KDM4C: variants seen among roughly 807,000 people sequenced by gnomAD.
KDM4C encodes lysine demethylase 4C.
In KDM4C, 81 loss-of-function variants were observed where a neutral mutation model predicts 129.3. The observed-to-expected ratio is 0.63, with a 90% CI of 0.52 to 0.75. The LOEUF is 0.75. Among genes scored for constraint, KDM4C ranks in the 30% least tolerant of loss-of-function variants. KDM4C has a pLI of 0.00. For synonymous variants in KDM4C, 573 were observed against 456.1 expected (o/e 1.26, Z -3.26); for missense variants, 1,457 against 1,304.0 (o/e 1.12, Z -1.81).
At chr9:7,084,667 G>C (rs1263479612) in intron 17 of KDM4C, among the ~76,000 whole-genome samples, 1 of 152,176 alleles carries the variant, frequency 6.6e-6, no homozygotes, top group Non-Finnish European at 1.5e-5. Context: ...CTGTGGCTCA[G>C]TTTCTTCATC....
intron 5 of KDM4C, among the ~76,000 whole-genome samples, chr9:6,878,615 T>G (rs1418244512): frequency 6.6e-6 from 1 of 152,214 alleles, no homozygotes; most frequent in African/African-American, 2.4e-5. Context: ...GAGCATATGG[T>G]TGAACTTTAG....
At chr9:7,077,352 C>T in intron 17 of KDM4C, 1 of 395,604 alleles carries the variant, frequency 2.5e-6, no homozygotes, top group Non-Finnish European at 3.4e-6. Context: ...TCAACTACGG[C>T]TGAAAAAAAA....
intron 1 of KDM4C, among the ~76,000 whole-genome samples, chr9:6,764,200 A>G (rs143051187): frequency 3.5e-4 from 54 of 152,350 alleles, no homozygotes; most frequent in African/African-American, 1.3e-3. Flanking sequence ...AGTACTTACA[A>G]TAGGCTGCCC....
chr9:6,933,610 A>G (rs1406314198), intron 8 of KDM4C, among the ~76,000 whole-genome samples: 1 of 152,222 alleles, frequency 6.6e-6, no homozygotes, highest in African/African-American at 2.4e-5. Flanking sequence ...AGGACAAATA[A>G]AAGCCATTCC....
At chr9:7,019,713 A>AAAAATATTTTATTTTTATATAT in intron 15 of KDM4C, among the ~76,000 whole-genome samples, 1 of 105,368 alleles carries the variant, frequency 9.5e-6, no homozygotes, top group East Asian at 3.6e-4. Flanking sequence ...TTTTATATAT[A>AAAAATATTTTATTTTTATATAT]AAAATATAAT....
intron 19 of KDM4C, among the ~76,000 whole-genome samples, chr9:7,141,347 A>AAAAAC (rs201975138): frequency 0.017 from 2,521 of 152,240 alleles, 77 homozygotes; most frequent in African/African-American, 0.057. Context: ...ATAAAAGCCT[A>AAAAAC]AAAACAAAAC....
intron 17 of KDM4C, among the ~76,000 whole-genome samples, chr9:7,081,586 A>G (rs1834525822): frequency 1.3e-5 from 2 of 152,120 alleles, no homozygotes; most frequent in South Asian, 4.1e-4. Flanking sequence ...CTGGCATTCC[A>G]CTTTGAAGAT....
intron 4 of KDM4C, among the ~76,000 whole-genome samples, chr9:6,829,045 G>A (rs899590184): frequency 3.3e-5 from 5 of 152,196 alleles, no homozygotes; most frequent in African/African-American, 1.2e-4. Context: ...CTGAGTGATC[G>A]ATGATTGTGA....
intron 19 of KDM4C, among the ~76,000 whole-genome samples, chr9:7,146,830 G>A (rs909554828): frequency 6.6e-6 from 1 of 152,128 alleles, no homozygotes; most frequent in African/African-American, 2.4e-5. Context: ...TTCCAATGAG[G>A]ATAACAAACA....
At chr9:6,765,521 A>T (rs1349282681) in intron 1 of KDM4C, among the ~76,000 whole-genome samples, 2 of 152,186 alleles carry the variant, frequency 1.3e-5, no homozygotes, top group Non-Finnish European at 2.9e-5. Context: ...CACTGTAAAG[A>T]TTCTACAAGG....
At chr9:6,869,277 C>T (rs765377251) in intron 5 of KDM4C, among the ~76,000 whole-genome samples, 3 of 152,126 alleles carry the variant, frequency 2.0e-5, no homozygotes, top group Non-Finnish European at 2.9e-5. Context: ...ATTAAGGGTG[C>T]GGCTGAGCTC....
At chr9:6,750,511 G>T (rs1435680003) in intron 1 of KDM4C, among the ~76,000 whole-genome samples, 1 of 151,548 alleles carries the variant, frequency 6.6e-6, no homozygotes, top group Non-Finnish European at 1.5e-5. Context: ...CTGTCTTATA[G>T]GAAGTTGAAA....
rs184250771 is a variant in KDM4C at position 6,984,293 on chromosome 9, A to C, written c.1243A>C (p.Lys415Gln). The change falls in exon 10 of 22, where the codon AAG (lysine) becomes CAG (glutamine). Residue 415 changes from lysine (K) to glutamine (Q), a missense_variant. By Grantham distance (53) the Lys-to-Gln change is moderately conservative (BLOSUM62 1). Transcript: ENST00000381309. ...SVTDDLKVSEKSEAAVKLRNT... is the reference protein window; with the variant it reads ...SVTDDLKVSEQSEAAVKLRNT... ...CACAGATGACCTCAAGGTCAGTGAAAAGTCAGAAGCAGCAGTGAAGCTGAG... is the reference window on the plus strand; with the variant it reads ...CACAGATGACCTCAAGGTCAGTGAACAGTCAGAAGCAGCAGTGAAGCTGAG... 7.4e-6 allele frequency: 12 copies of C among 1,614,074 alleles called. No homozygotes were observed. The highest frequency in any genetic ancestry group is 3.3e-5 in the Admixed American group (2 of 60,012).
At chr9:7,088,046 A>T (rs1229852849) in intron 17 of KDM4C, among the ~76,000 whole-genome samples, 1 of 152,222 alleles carries the variant, frequency 6.6e-6, no homozygotes, top group Admixed American at 6.5e-5. Flanking sequence ...AGATCTATGA[A>T]TCAGAACTTC....
At chr9:6,763,029 C>T (rs1241653626) in intron 1 of KDM4C, among the ~76,000 whole-genome samples, 1 of 151,714 alleles carries the variant, frequency 6.6e-6, no homozygotes, top group Non-Finnish European at 1.5e-5. Context: ...TACCCTTCCG[C>T]TGGTGGGGGG....
intron 17 of KDM4C, among the ~76,000 whole-genome samples, chr9:7,102,254 A>T (rs1394098178): frequency 6.7e-6 from 1 of 149,750 alleles, no homozygotes; most frequent in East Asian, 2.0e-4. Flanking sequence ...GAGAAGTAAC[A>T]CTTAGACCAT....
chr9:6,872,731 C>G (rs1231787364), intron 5 of KDM4C, among the ~76,000 whole-genome samples: 3 of 152,122 alleles, frequency 2.0e-5, no homozygotes, highest in Non-Finnish European at 4.4e-5. Context: ...GTAAAATATT[C>G]CTCCATCCCT....
intron 8 of KDM4C, among the ~76,000 whole-genome samples, chr9:6,945,955 G>T (rs970023466): frequency 2.0e-5 from 3 of 151,968 alleles, no homozygotes; most frequent in African/African-American, 7.2e-5. Context: ...CTTTTCTATT[G>T]GTATTTTATG....
intron 15 of KDM4C, among the ~76,000 whole-genome samples, chr9:7,029,385 A>G (rs1826354972): frequency 6.6e-6 from 1 of 150,938 alleles, no homozygotes; most frequent in Non-Finnish European, 1.5e-5. Context: ...TATACTTTTA[A>G]TTATGAAGGA....
Sources: allele counts gnomAD v4.1 joint callset (sites outside exome capture counted in the v4.1 genomes callset), GRCh38; gene constraint gnomAD v4.1.1; transcripts MANE v1.5; gene names NCBI Gene and HGNC (gene_info 2026-07-23, HGNC 2026-07-21).